Variants in TAT observed in about 807,000 individuals in gnomAD.
TAT encodes the protein L-tyrosine:2-oxoglutarate aminotransferase.
Under a neutral mutation model 53.6 loss-of-function variants are expected in TAT, and 35 were observed. The observed-to-expected ratio is 0.65, with a 90% CI of 0.50 to 0.87. The LOEUF is 0.87. Ranked by LOEUF, TAT falls within the 40% of genes least tolerant of loss-of-function variation. The pLI is 0.00. For missense variants in TAT, 525 were observed against 571.8 expected, an observed-to-expected ratio of 0.92 and a Z score of 0.83; for synonymous variants, 197 against 206.5, an observed-to-expected ratio of 0.95 and a Z score of 0.39.
rs146754897 is a variant in TAT at position 71,573,538 on chromosome 16, C to T, written c.408+1G>A. The T allele has an allele frequency of 2.6e-6, 4 of 1,553,248 alleles. No homozygotes were observed. Among genetic ancestry groups the T allele is most frequent in the East Asian group, 4.9e-5 (2 of 41,110 alleles). On this transcript the variant is annotated splice_donor_variant, in intron 4 of 11. Transcript: ENST00000355962. LOFTEE classifies it high-confidence loss of function. ...GAGCTGGTGTCTTGTATAAGGCTCACCTTAGCTTCTAGGGGTGCCTCAGGA... is the reference window on the plus strand; with the variant it reads ...GAGCTGGTGTCTTGTATAAGGCTCATCTTAGCTTCTAGGGGTGCCTCAGGA...
At chr16:71,572,824 CA>C in intron 4 of TAT, 136 bp from the exon 5 acceptor site, 1 of 901,306 alleles carries the variant, frequency 1.1e-6, no homozygotes. Context: ...TGTACTAAGC[CA>C]AAACCAAAAG....
At chr16:71,570,894 G>A (rs375915904) in intron 7 of TAT, 63 bp from the exon 8 acceptor site, 28 of 1,575,194 alleles carry the variant, frequency 1.8e-5, no homozygotes, top group African/African-American at 9.5e-5. Context: ...CCCAGATCCC[G>A]TGGCTCCCAC....
intron 7 of TAT, 21 bp from the exon 8 acceptor site, chr16:71,570,852 T>G: frequency 1.9e-6 from 3 of 1,612,596 alleles, no homozygotes; most frequent in Non-Finnish European, 2.5e-6. Flanking sequence ...GCACTTGTTA[T>G]GGTTGTTTTC....
In TAT at chr16:71,566,097, C is replaced by T. The variant is rs920779837; in HGVS notation, c.*2047G>A. Reference sequence around the variant, plus strand: ...GAGGAACAGGAAAAGAGGAGCCAGGCTTTTTTGGAAAATTGGCGGCAGCGG... The same window carrying T: ...GAGGAACAGGAAAAGAGGAGCCAGGTTTTTTTGGAAAATTGGCGGCAGCGG... On this transcript the variant is annotated 3_prime_UTR_variant, in exon 12 of 12. Coordinates refer to ENST00000355962, the MANE Select transcript of TAT (RefSeq NM_000353.3). The T allele has an allele frequency of 6.6e-6, 1 of 152,108 alleles. No individual in the cohort carries two copies. Among genetic ancestry groups the T allele is most frequent in the Non-Finnish European group, 1.5e-5 (1 of 68,016 alleles). 9.4% of individuals were successfully genotyped at this position (152,108 alleles called of 1,614,324 possible).
intron 3 of TAT, chr16:71,575,208 T>C (rs1361101558): frequency 6.6e-6 from 1 of 152,210 alleles, no homozygotes; most frequent in Non-Finnish European, 1.5e-5. Flanking sequence ...ATCATGAAAC[T>C]GGGGTTTTAT....
At chr16:71,571,355 TAAAAATCTACAAATATCAGGTC>T (rs1339658927) in intron 7 of TAT, among the ~76,000 whole-genome samples, 5 of 152,096 alleles carry the variant, frequency 3.3e-5, no homozygotes, top group African/African-American at 7.2e-5. Context: ...GTGGGAAAAA[TAAAAATCTACAAATATCAGGTC>T]AAATCAGGTT....
Position 71,576,289 on chromosome 16 carries a change from C to G in TAT, c.127G>C (p.Val43Leu), listed in dbSNP as rs559125234. Residue 43 changes from valine (V) to leucine (L), a missense_variant, in exon 2 of 12, where the codon GTG (valine) becomes CTG (leucine). Coordinates refer to ENST00000355962, the MANE Select transcript of TAT (RefSeq NM_000353.3). ...TTCTTGGCCATGTCTGAGGGCCTCACAGACCACCTGGCCTTTCTGCCTTTC... is the reference window on the plus strand; with the variant it reads ...TTCTTGGCCATGTCTGAGGGCCTCAGAGACCACCTGGCCTTTCTGCCTTTC... ...KMKGRKARWS[V>L]RPSDMAKKTF... The G allele has an allele frequency of 6.2e-7, 1 of 1,614,224 alleles. No homozygotes were observed. The highest frequency in any genetic ancestry group is 1.7e-5 in the Admixed American group (1 of 60,018).
intron 3 of TAT, among the ~76,000 whole-genome samples, chr16:71,574,834 A>T (rs2044225786): frequency 1.3e-5 from 2 of 152,198 alleles, no homozygotes; most frequent in Non-Finnish European, 1.5e-5. Flanking sequence ...GCACTATTTC[A>T]TAATGTTTAC....
chr16:71,573,342 A>G (rs1485289140), intron 4 of TAT, among the ~76,000 whole-genome samples, 197 bp downstream of exon 4: 1 of 152,178 alleles, frequency 6.6e-6, no homozygotes, highest in Non-Finnish European at 1.5e-5. Context: ...TGGGATGGTC[A>G]TTATCACACT....
Position 71,567,990 on chromosome 16 carries a change from T to C in TAT, c.*154A>G, listed in dbSNP as rs2044175868. The C allele has an allele frequency of 2.4e-6, 2 of 827,562 alleles. No homozygotes were observed. The highest frequency in any genetic ancestry group is 4.0e-6 in the Non-Finnish European group (2 of 501,910). 51.3% of individuals were successfully genotyped at this position (827,562 alleles called of 1,614,324 possible). The stretch of plus-strand genomic sequence containing the variant: ...GAGGAGGATCTGAGTGTGGGTGTGG[T>C]TGTACTTGGGGAAAAGCAGGAACAA... On this transcript the variant is annotated 3_prime_UTR_variant, in exon 12 of 12. Transcript: ENST00000355962.
chr16:71,573,455 C>T (rs548397109), intron 4 of TAT, 84 bp downstream of exon 4: 234 of 1,293,988 alleles, frequency 1.8e-4, no homozygotes, highest in South Asian at 3.2e-4. Flanking sequence ...CTCTGACACC[C>T]GTACTTCTTG....
chr16:71,568,063 C>T lies in TAT; in HGVS notation c.*81G>A, dbSNP rs886052272. ...ATTTGAGGCCCCTCTCCCAGTAGGG[C>T]CACCTGAGTCCCTGAGGAGCCGCAA... On this transcript the variant is annotated 3_prime_UTR_variant, in exon 12 of 12. Transcript: ENST00000355962. 1.9e-4 allele frequency: 301 copies of T among 1,577,538 alleles called. No individual in the cohort carries two copies. Among genetic ancestry groups the T allele is most frequent in the Non-Finnish European group, 2.4e-4 (277 of 1,148,616 alleles).
At chr16:71,571,474 A>G (rs912300394) in intron 7 of TAT, 132 bp downstream of exon 7, 1 of 833,074 alleles carries the variant, frequency 1.2e-6, no homozygotes, top group Admixed American at 2.1e-5. Context: ...GGGTCTATAT[A>G]TTTGTAAAAA....
At position 71,572,650 on chromosome 16, in the gene TAT, G is replaced by GT. The variant is rs746959117; in HGVS notation, c.446dup (p.Asp149GlufsTer29). ...GGTTGGCCAACACAGCTAAACAAAG[G>GT]TCAATAGCTTGGCTGCAGCCACTTG... On this transcript the variant is annotated frameshift_variant, in exon 5 of 12. Coordinates refer to ENST00000355962, the MANE Select transcript of TAT (RefSeq NM_000353.3). LOFTEE classifies it high-confidence loss of function. 1 of 1,614,208 alleles carries GT rather than the reference G, an allele frequency of 6.2e-7. No individual in the cohort carries two copies. Among genetic ancestry groups the GT allele is most frequent in the Non-Finnish European group, 8.5e-7 (1 of 1,180,038 alleles).
In TAT at chr16:71,566,422, G is replaced by A. The variant is rs2044162981; in HGVS notation, c.*1722C>T. The A allele has an allele frequency of 6.8e-6, 1 of 147,690 alleles. No individual in the cohort carries two copies. The highest frequency in any genetic ancestry group is 6.8e-5 in the Admixed American group (1 of 14,710). The allele number at this position is 147,690 out of a possible 1,614,324, so 9.1% of individuals were successfully genotyped here. A position where few individuals can be genotyped will look rare whatever the true frequency, so the allele number is the denominator to read the frequency against. ...CTTAAGGCTCCCTCCTCTAAGGGAA[G>A]GGCTGAAGAAAAAATTAAACAGGCA... On this transcript the variant is annotated 3_prime_UTR_variant, in exon 12 of 12. Coordinates refer to ENST00000355962, the MANE Select transcript of TAT (RefSeq NM_000353.3).
chr16:71,572,085 C>A, intron 6 of TAT, 101 bp downstream of exon 6: 1 of 1,508,138 alleles, frequency 6.6e-7, no homozygotes, highest in Non-Finnish European at 9.2e-7. Context: ...CCACCTCCAC[C>A]CCAGGCTTGG....
In TAT at chr16:71,576,043, AAC is replaced by A. The variant is rs2044232731; in HGVS notation, c.236-19_236-18del. 5.0e-6 allele frequency: 8 copies of A among 1,613,914 alleles called. No individual in the cohort carries two copies. The highest frequency in any genetic ancestry group is 2.2e-5 in the East Asian group (1 of 44,872). Reference sequence around the variant, plus strand: ...TAGGGTCCCCTTTTTATGGGAGGAAAACACAAAAGGAGCCAAGAGGTTATTCT... The same window carrying A: ...TAGGGTCCCCTTTTTATGGGAGGAAAACAAAAGGAGCCAAGAGGTTATTCT... On this transcript the variant is annotated intron_variant, in intron 2 of 11. Transcript: ENST00000355962.
In TAT at chr16:71,569,905, A is replaced by G. The variant is rs753559793; in HGVS notation, c.1074T>C (p.Ala358=). The change falls in exon 10 of 12, where the codon GCT becomes GCC. Residue 358 remains alanine (A), a synonymous_variant. Transcript: ENST00000355962. Reference sequence around the variant, plus strand: ...GGACTGGCCGGAGTCCAGGGATGGCAGCCAACGCCCCATAACAGAGATCAG... The same window carrying G: ...GGACTGGCCGGAGTCCAGGGATGGCGGCCAACGCCCCATAACAGAGATCAG... ...SNADLCYGAL[A]AIPGLRPVRP... The G allele has an allele frequency of 6.2e-7, 1 of 1,613,990 alleles. No individual in the cohort carries two copies.
intron 6 of TAT, 160 bp downstream of exon 6, chr16:71,572,026 C>A (rs1483193302): frequency 2.6e-5 from 23 of 881,788 alleles, no homozygotes; most frequent in Non-Finnish European, 4.0e-5. Flanking sequence ...TTAGGCCAGG[C>A]CTACCACTCC....
Sources: allele counts gnomAD v4.1 joint callset (sites outside exome capture counted in the v4.1 genomes callset), GRCh38; gene constraint gnomAD v4.1.1; transcripts MANE v1.5; gene names NCBI Gene and HGNC (gene_info 2026-07-23, HGNC 2026-07-21).